Variants in LRBA observed in about 807,000 individuals in gnomAD.
LRBA encodes the protein LPS responsive beige-like anchor protein, also known as lipopolysaccharide-responsive and beige-like anchor protein.
In LRBA, 176 loss-of-function variants were observed where a neutral mutation model predicts 330.0. The ratio of observed to expected loss-of-function variants is 0.53; its 90% CI spans 0.47 to 0.60. LRBA has a LOEUF of 0.60. LRBA is among the 20% of genes least tolerant of loss of function. The pLI is 0.00. For missense variants in LRBA, 3,259 were observed against 3,444.8 expected (o/e 0.95, Z 1.35); for synonymous variants, 1,230 against 1,193.0 (o/e 1.03, Z -0.64).
chr4:150,783,886 G>C (rs541278719), intron 34 of LRBA, among the ~76,000 whole-genome samples: 26 of 152,286 alleles, frequency 1.7e-4, no homozygotes, highest in African/African-American at 6.0e-4. Context: ...ATAAGGCAGA[G>C]AAGTTTGAAT....
rs1174528371 is a variant in LRBA, at chr4:150,858,136, CTTA to C, written c.2767-5196_2767-5194del. Among the ~76,000 whole-genome samples the C allele has an allele frequency of 9.9e-5, 15 of 152,180 alleles. No homozygotes were observed. In the East Asian group the frequency reaches 2.1e-3, roughly 21 times the overall value. ...GGTTCAAGATTTCCTGTAATGAAAA[CTTA>C]TTATTATTTTAAATTTTTTAAAGTA... On this transcript the variant is annotated intron_variant, in intron 22 of 56. Coordinates refer to ENST00000651943, the MANE Select transcript of LRBA (RefSeq NM_001364905.1).
intron 40 of LRBA, chr4:150,581,045 GT>G (rs1315425693): frequency 6.4e-6 from 1 of 155,986 alleles, no homozygotes; most frequent in Non-Finnish European, 1.4e-5. Context: ...TACTTGCCTT[GT>G]TTTTCATTAA....
chr4:150,981,723 G>A (rs1740857808), intron 2 of LRBA, among the ~76,000 whole-genome samples: 2 of 152,234 alleles, frequency 1.3e-5, no homozygotes, highest in African/African-American at 2.4e-5. Flanking sequence ...CACTTTGGGA[G>A]GCCGAGGCAG....
At chr4:150,964,182 C>A (rs1738601698) in intron 2 of LRBA, among the ~76,000 whole-genome samples, 1 of 147,620 alleles carries the variant, frequency 6.8e-6, no homozygotes, top group Non-Finnish European at 1.5e-5. Context: ...GGCCCCTCTG[C>A]CCAGCCACCC....
At position 150,761,764 on chromosome 4, in the gene LRBA, TTAAAA is replaced by T; in HGVS notation, c.5645+14_5645+18del. ...ATTTTAAAGAAAAATACAAAATGAA[TTAAAA>T]TAAAATAAATTACCTTCCTTCATTG... is the stretch of plus-strand genomic sequence containing the variant. On this transcript the variant is annotated intron_variant, in intron 35 of 56. Coordinates refer to ENST00000651943, the MANE Select transcript of LRBA (RefSeq NM_001364905.1). 2.0e-6 allele frequency: 3 copies of T among 1,467,048 alleles called. No homozygotes were observed. Among genetic ancestry groups the T allele is most frequent in the Non-Finnish European group, 2.8e-6 (3 of 1,079,492 alleles). The allele number at this position is 1,467,048 out of a possible 1,614,324, so 90.9% of individuals were successfully genotyped here.
rs776021246 is a variant in LRBA, at chr4:150,590,729, A to G, written c.6177T>C (p.Asp2059=). 3 of 1,613,686 alleles carry G rather than the reference A, an allele frequency of 1.9e-6. No homozygotes were observed. The highest frequency in any genetic ancestry group is 1.7e-6 in the Non-Finnish European group (2 of 1,179,914). The part of the protein sequence containing the change: ...DDTLSSVDEK[D]LENLAGPVSL... Reference sequence around the variant, plus strand: ...CAAATTTACCGGCAAGATTCTCTAAATCTTTCTCATCCACGGATGACAGAG... The same window carrying G: ...CAAATTTACCGGCAAGATTCTCTAAGTCTTTCTCATCCACGGATGACAGAG... Residue 2059 remains aspartate, a synonymous_variant, in exon 39 of 57, where the codon GAT becomes GAC. Coordinates refer to ENST00000651943, the MANE Select transcript of LRBA (RefSeq NM_001364905.1).
intron 44 of LRBA, among the ~76,000 whole-genome samples, chr4:150,447,851 C>T (rs146306477): frequency 1.6e-3 from 243 of 152,206 alleles, no homozygotes; most frequent in African/African-American, 5.5e-3. Flanking sequence ...ACTATGGTTC[C>T]ACCATCCACA....
chr4:150,880,908 T>A (rs928576771), intron 17 of LRBA, among the ~76,000 whole-genome samples: 1 of 152,106 alleles, frequency 6.6e-6, no homozygotes, highest in African/African-American at 2.4e-5. Context: ...AAAGAAGACA[T>A]ACAAGCAGGC....
At chr4:150,607,832 T>G (rs1441862460) in intron 37 of LRBA, among the ~76,000 whole-genome samples, 1 of 151,618 alleles carries the variant, frequency 6.6e-6, no homozygotes, top group African/African-American at 2.4e-5. Flanking sequence ...GTCAGGAGTT[T>G]GAGACCAGCC....
intron 9 of LRBA, among the ~76,000 whole-genome samples, chr4:150,911,422 G>T (rs1731976632): frequency 6.6e-6 from 1 of 151,866 alleles, no homozygotes; most frequent in Admixed American, 6.6e-5. Context: ...GTTGAATTTT[G>T]TCAAATCCTT....
intron 22 of LRBA, among the ~76,000 whole-genome samples, chr4:150,853,617 G>A (rs529305468): frequency 4.6e-5 from 7 of 152,170 alleles, no homozygotes; most frequent in Admixed American, 2.0e-4. Flanking sequence ...ATTAGGCACC[G>A]TGAACATTCC....
At chr4:150,596,616 T>A (rs1773512066) in intron 38 of LRBA, among the ~76,000 whole-genome samples, 1 of 151,910 alleles carries the variant, frequency 6.6e-6, no homozygotes, top group African/African-American at 2.4e-5. Context: ...ATCTGTAATT[T>A]CAACTGCTTT....
chr4:150,683,735 AT>A lies in LRBA; in HGVS notation c.5755-19del, dbSNP rs1783260315. ...CACAGTGACTTGGAGAGAAAAAAAAATAATACTATAAAAAATGTGAAAAAAA... is the reference window on the plus strand; with the variant it reads ...CACAGTGACTTGGAGAGAAAAAAAAAAATACTATAAAAAATGTGAAAAAAA... On this transcript the variant is annotated intron_variant, in intron 36 of 56. Coordinates refer to ENST00000651943, the MANE Select transcript of LRBA (RefSeq NM_001364905.1). 4 of 1,541,918 alleles carry A rather than the reference AT, an allele frequency of 2.6e-6. No homozygotes were observed. Among genetic ancestry groups the A allele is most frequent in the African/African-American group, 1.4e-5 (1 of 72,334 alleles).
chr4:150,383,933 A>G (rs1418565344), intron 47 of LRBA, among the ~76,000 whole-genome samples: 1 of 152,214 alleles, frequency 6.6e-6, no homozygotes, highest in Non-Finnish European at 1.5e-5. Flanking sequence ...GGCAGGGGTA[A>G]TATATGTAGC....
chr4:150,410,781 A>G (rs902263690), intron 47 of LRBA, among the ~76,000 whole-genome samples: 16 of 152,206 alleles, frequency 1.1e-4, no homozygotes, highest in African/African-American at 3.9e-4. Flanking sequence ...TATGTATATT[A>G]TGTATCTTTT....
At chr4:150,550,858 A>G (rs909427477) in intron 40 of LRBA, among the ~76,000 whole-genome samples, 7 of 152,238 alleles carry the variant, frequency 4.6e-5, no homozygotes, top group Non-Finnish European at 8.8e-5. Context: ...GCTTCCTCAT[A>G]TAAGATTACT....
chr4:150,865,937 A>AACTTT (rs777793152), intron 22 of LRBA, among the ~76,000 whole-genome samples: 1 of 152,214 alleles, frequency 6.6e-6, no homozygotes, highest in Non-Finnish European at 1.5e-5. Context: ...GCTAGTCTCC[A>AACTTT]ACTTTTGACC....
chr4:150,887,972 AC>A (rs1729122839), intron 17 of LRBA, among the ~76,000 whole-genome samples: 1 of 151,856 alleles, frequency 6.6e-6, no homozygotes, highest in African/African-American at 2.4e-5. Flanking sequence ...ACATAGTAAG[AC>A]CCCAATTCTA....
intron 26 of LRBA, among the ~76,000 whole-genome samples, chr4:150,846,852 G>A (rs4696637): frequency 0.87 from 132,945 of 152,160 alleles, 58,636 homozygotes; most frequent in Non-Finnish European, 0.95. Context: ...GTACTGGGGT[G>A]GATTAAATTA....
Sources: allele counts gnomAD v4.1 joint callset (sites outside exome capture counted in the v4.1 genomes callset), GRCh38; gene constraint gnomAD v4.1.1; transcripts MANE v1.5; gene names NCBI Gene and HGNC (gene_info 2026-07-23, HGNC 2026-07-21).